Variants in KIF26B observed in about 807,000 individuals in gnomAD.
KIF26B encodes the protein kinesin family member 26B.
In KIF26B, 63 loss-of-function variants were observed where a neutral mutation model predicts 151.2. The ratio of observed to expected loss-of-function variants is 0.42; its 90% confidence interval spans 0.34 to 0.51. KIF26B has a LOEUF of 0.51. Among genes scored for constraint, KIF26B ranks in the 20% least tolerant of loss-of-function variants. KIF26B has a pLI of 0.07. For missense variants in KIF26B, 2,813 were observed against 2,913.6 expected (o/e 0.97, Z 0.79); for synonymous variants, 1,357 against 1,262.1 (o/e 1.08, Z -1.59).
At chr1:245,344,318 A>C (rs907673063) in intron 2 of KIF26B, among the ~76,000 whole-genome samples, 1 of 150,190 alleles carries the variant, frequency 6.7e-6, no homozygotes, top group Non-Finnish European at 1.5e-5. Context: ...TTTTGTTTGG[A>C]AAAAAAAGAG....
chr1:245,410,493 AGCTGG>A (rs1674251523), intron 3 of KIF26B, among the ~76,000 whole-genome samples: 5 of 152,152 alleles, frequency 3.3e-5, no homozygotes, highest in African/African-American at 7.2e-5. Flanking sequence ...CTGTCACCCA[AGCTGG>A]AGTGCAGTGG....
chr1:245,659,439 A>G (rs114699256), intron 10 of KIF26B, among the ~76,000 whole-genome samples: 1,749 of 152,272 alleles, frequency 0.011, 32 homozygotes, highest in African/African-American at 0.04. Context: ...CGGATCCCCA[A>G]TCTAAACTAG....
chr1:245,433,789 A>C (rs1364552909), intron 4 of KIF26B, among the ~76,000 whole-genome samples: 2 of 152,152 alleles, frequency 1.3e-5, no homozygotes, highest in Non-Finnish European at 2.9e-5. Context: ...CCGGAAATAT[A>C]ATTTCAAAAG....
intron 3 of KIF26B, among the ~76,000 whole-genome samples, chr1:245,373,426 C>G (rs1263329647): frequency 1.3e-5 from 2 of 152,194 alleles, no homozygotes; most frequent in African/African-American, 2.4e-5. Flanking sequence ...CGATGCCACA[C>G]TCAATACAGG....
At chr1:245,457,489 A>T (rs1050031476) in intron 4 of KIF26B, among the ~76,000 whole-genome samples, 1 of 152,246 alleles carries the variant, frequency 6.6e-6, no homozygotes, top group African/African-American at 2.4e-5. Context: ...GAAAGATTTT[A>T]TCAAATCTTA....
rs373436195 is a variant in KIF26B, at chr1:245,450,518, C to T, written c.1166+30773C>T. Among the ~76,000 whole-genome samples, 39 of 152,366 alleles carry T rather than the reference C, an allele frequency of 2.6e-4. No individual in the cohort carries two copies. The South Asian group carries it at 4.6e-3, about 18-fold the overall frequency. Reference sequence around the variant, plus strand: ...TTTAGGGTACTGTCCAGCCAGCCTGCGGCTGCGTGAGACTAATGATGGGTA... The same window carrying T: ...TTTAGGGTACTGTCCAGCCAGCCTGTGGCTGCGTGAGACTAATGATGGGTA... On this transcript the variant is annotated intron_variant, in intron 4 of 14. Transcript: ENST00000407071.
At chr1:245,194,272 A>G (rs1669156326) in intron 2 of KIF26B, among the ~76,000 whole-genome samples, 2 of 152,224 alleles carry the variant, frequency 1.3e-5, no homozygotes, top group Admixed American at 1.3e-4. Flanking sequence ...CCGTTTACAT[A>G]GAGTGCTTGA....
intron 10 of KIF26B, among the ~76,000 whole-genome samples, chr1:245,678,443 C>A (rs143379493): frequency 3.9e-5 from 6 of 151,986 alleles, no homozygotes; most frequent in Admixed American, 3.9e-4. Context: ...CTTAAGAGTG[C>A]GAGTGGTACC....
At chr1:245,510,527 T>C (rs567169627) in intron 4 of KIF26B, among the ~76,000 whole-genome samples, 4 of 152,162 alleles carry the variant, frequency 2.6e-5, no homozygotes, top group African/African-American at 9.6e-5. Context: ...TGTGGGTTAA[T>C]TGGAGTTGTA....
intron 3 of KIF26B, among the ~76,000 whole-genome samples, chr1:245,398,908 G>T (rs1414562399): frequency 6.6e-6 from 1 of 152,038 alleles, no homozygotes; most frequent in Admixed American, 6.5e-5. Flanking sequence ...TGGACCATTT[G>T]TGAGTAAGAT....
At chr1:245,261,489 CT>C (rs1670640297) in intron 2 of KIF26B, among the ~76,000 whole-genome samples, 14 of 122,686 alleles carry the variant, frequency 1.1e-4, no homozygotes, top group African/African-American at 3.4e-4. Context: ...CTCTCTCTCT[CT>C]CTCTCTCTCT....
rs760495657 is a variant in KIF26B, at chr1:245,166,794, G to C, written c.465+10111G>C. On this transcript the variant is annotated intron_variant, in intron 2 of 14. Coordinates refer to ENST00000407071, the MANE Select transcript of KIF26B (RefSeq NM_018012.4). The surrounding 1 kb of genome is among the most constrained non-coding windows in gnomAD (Gnocchi z 4.5). ...ACCCCATGGGAAGTCTGGGAATAAAGAAGTCACCCTCCCCCACCAAGCAGG... is the reference window on the plus strand; with the variant it reads ...ACCCCATGGGAAGTCTGGGAATAAACAAGTCACCCTCCCCCACCAAGCAGG... Among the ~76,000 whole-genome samples, 3 of 152,232 alleles carry C rather than the reference G, an allele frequency of 2.0e-5. No homozygotes were observed. The highest frequency in any genetic ancestry group is 4.4e-5 in the Non-Finnish European group (3 of 68,022).
At chr1:245,178,972 GTT>G (rs59250555) in intron 2 of KIF26B, among the ~76,000 whole-genome samples, 1 of 149,580 alleles carries the variant, frequency 6.7e-6, no homozygotes. Context: ...TCTTAACCAT[GTT>G]TTTTTTTTTT....
chr1:245,390,928 A>ACAAAACAAAACAAAACAAAACAAAAC (rs1372926691), intron 3 of KIF26B, among the ~76,000 whole-genome samples: 2 of 116,912 alleles, frequency 1.7e-5, no homozygotes, highest in African/African-American at 9.1e-5. Flanking sequence ...TCTCAAAAAA[A>ACAAAACAAAACAAAACAAAACAAAAC]AAAAAAAAAA....
At chr1:245,264,368 G>A (rs1247058561) in intron 2 of KIF26B, among the ~76,000 whole-genome samples, 4 of 152,146 alleles carry the variant, frequency 2.6e-5, no homozygotes, top group African/African-American at 4.8e-5. Flanking sequence ...GCTGATGACT[G>A]TCTTTATTGG....
Position 245,238,476 on chromosome 1 carries a change from C to T in KIF26B, c.465+81793C>T, listed in dbSNP as rs77712449. The stretch of plus-strand genomic sequence containing the variant: ...TTTCCATATCGTGTTGCAGATCAAC[C>T]TATCCATCAAAGACAATAAAAATGA... On this transcript the variant is annotated intron_variant, in intron 2 of 14. Transcript: ENST00000407071. Among the ~76,000 whole-genome samples the T allele has an allele frequency of 1.4e-3, 212 of 152,190 alleles. 3 individuals are homozygous for T. The highest frequency in any genetic ancestry group is 4.7e-3 in the African/African-American group (195 of 41,502).
intron 10 of KIF26B, among the ~76,000 whole-genome samples, chr1:245,675,421 C>G (rs1027775130): frequency 6.6e-6 from 1 of 152,198 alleles, no homozygotes; most frequent in Non-Finnish European, 1.5e-5. Flanking sequence ...AGGTATGGCC[C>G]ATCCTACCCT....
intron 3 of KIF26B, among the ~76,000 whole-genome samples, chr1:245,380,929 G>A (rs557746046): frequency 2.5e-5 from 3 of 121,058 alleles, no homozygotes; most frequent in African/African-American, 6.7e-5. Flanking sequence ...GGTTAAAACC[G>A]AAAGACACTG....
chr1:245,291,969 C>G (rs1437367405), intron 2 of KIF26B, among the ~76,000 whole-genome samples: 1 of 152,092 alleles, frequency 6.6e-6, no homozygotes, highest in Non-Finnish European at 1.5e-5. Context: ...CTGGGTGAGC[C>G]AAGGCACTTT....
Sources: gnomAD v4.1 joint callset for allele counts (sites outside exome capture counted in the v4.1 genomes callset) on GRCh38, gnomAD v4.1.1 for gene constraint, Gnocchi (gnomAD v3.1) non-coding constraint, MANE v1.5 for transcripts, NCBI Gene and HGNC (gene_info 2026-07-23, HGNC 2026-07-21) for gene names.